Variants in EMG1 observed in about 807,000 individuals in gnomAD.
EMG1 encodes ribosomal RNA small subunit methyltransferase NEP1.
EMG1 carries 24 observed loss-of-function variants against 26.9 expected under a neutral mutation model. The observed-to-expected ratio is 0.89, with a 90% confidence interval of 0.65 to 1.26. The LOEUF is 1.26. Among genes scored for constraint, EMG1 ranks in the 50% most tolerant of loss-of-function variants. The pLI, the probability that EMG1 is intolerant of heterozygous loss-of-function variation, is 0.00. For synonymous variants in EMG1, 140 were observed against 112.6 expected (o/e 1.24, Z -1.54); for missense variants, 299 against 307.6 (o/e 0.97, Z 0.21).
At chr12:6,991,066 T>C (rs1174649726), downstream of EMG1, among the ~76,000 whole-genome samples, 1 of 151,910 alleles carries the variant, frequency 6.6e-6, no homozygotes, top group Admixed American at 6.6e-5. Flanking sequence ...CCCAAAACAA[T>C]CAAAGAAATA....
chr12:6,992,348 T>A (rs1359044561), downstream of EMG1, among the ~76,000 whole-genome samples: 2 of 151,882 alleles, frequency 1.3e-5, no homozygotes, highest in African/African-American at 2.4e-5. Context: ...AAAAAAAATT[T>A]ACCACTTCAT....
At chr12:6,974,185 T>G (rs1415044755) in intron 1 of EMG1, among the ~76,000 whole-genome samples, 154 bp from the exon 2 acceptor site, 1 of 152,212 alleles carries the variant, frequency 6.6e-6, no homozygotes, top group Non-Finnish European at 1.5e-5. Context: ...CCCCCAGTGT[T>G]CCTGGTTTAG....
Position 6,976,283 on chromosome 12 carries a change from G to C in EMG1, c.*474G>C, listed in dbSNP as rs1310356649. 6.5e-6 allele frequency: 1 copy of C among 154,110 alleles called. No individual in the cohort carries two copies. 9.5% of individuals were successfully genotyped at this position (154,110 alleles called of 1,614,324 possible). On this transcript the variant is annotated 3_prime_UTR_variant, in exon 6 of 6. Coordinates refer to ENST00000599672, the MANE Select transcript of EMG1 (RefSeq NM_006331.8). ...TTGCACCCCTCTCCACCCCCCCATG[G>C]GGGGGGTGGTGGTAGCGGCACATAC...
chr12:6,977,451 ATAG>A lies in EMG1; in HGVS notation c.*1646_*1648del. ...GCCAGTGGATGGTCTGTTGCACCAA[ATAG>A]TAGAAGGGCTGGAGGACAGTAATGG... On this transcript the variant is annotated 3_prime_UTR_variant, in exon 6 of 6. Transcript: ENST00000599672. This position sits in a 1 kb window ranked among gnomAD's most constrained non-coding sequence, Gnocchi z 4.5. 6.2e-7 allele frequency: 1 copy of A among 1,614,188 alleles called. No individual in the cohort carries two copies. The highest frequency in any genetic ancestry group is 1.1e-5 in the South Asian group (1 of 91,076).
Position 6,977,169 on chromosome 12 carries a change from C to T in EMG1, c.*1360C>T. On this transcript the variant is annotated 3_prime_UTR_variant, in exon 6 of 6. Transcript: ENST00000599672. This position sits in a 1 kb window ranked among gnomAD's most constrained non-coding sequence, Gnocchi z 4.5. ...GATTATTCCATCTTCTTTAACTTCT[C>T]TTTCCTTGGCACCATTGCTTTGTGA... 1 of 1,611,756 alleles carries T rather than the reference C, an allele frequency of 6.2e-7. No homozygotes were observed. Among genetic ancestry groups the T allele is most frequent in the Non-Finnish European group, 8.5e-7 (1 of 1,177,826 alleles).
chr12:6,978,174 T>A lies in EMG1; in HGVS notation c.*2365T>A, dbSNP rs1591711154. 1.2e-5 allele frequency: 9 copies of A among 765,914 alleles called. No individual in the cohort carries two copies. Among genetic ancestry groups the A allele is most frequent in the East Asian group, 7.9e-5 (3 of 38,174 alleles). 47.4% of individuals were successfully genotyped at this position (765,914 alleles called of 1,614,324 possible). ...TTTTTTCAAATATGACAGTAATGGTTTTTTTGGGAGGGGGGTATAGGTGGG... is the reference window on the plus strand; with the variant it reads ...TTTTTTCAAATATGACAGTAATGGTATTTTTGGGAGGGGGGTATAGGTGGG... On this transcript the variant is annotated 3_prime_UTR_variant, in exon 6 of 6. Coordinates refer to ENST00000599672, the MANE Select transcript of EMG1 (RefSeq NM_006331.8).
rs782044745 is a variant in EMG1 at position 6,975,706 on chromosome 12, A to C, written c.632A>C (p.Glu211Ala). ...CTGTTCTTTTCTTAGGTCAGTGTGG[A>C]GTATACAGAGAAGATGGTGTCCATC... Reference protein sequence around the residue: ...GAFAHGKVSVEYTEKMVSISN... With the variant: ...GAFAHGKVSVAYTEKMVSISN... Residue 211 changes from glutamate to alanine, a missense_variant, in exon 6 of 6, where the codon GAG (glutamate) becomes GCG (alanine). Coordinates refer to ENST00000599672, the MANE Select transcript of EMG1 (RefSeq NM_006331.8). 1.2e-6 allele frequency: 2 copies of C among 1,607,326 alleles called. No homozygotes were observed. Among genetic ancestry groups the C allele is most frequent in the Non-Finnish European group, 8.5e-7 (1 of 1,173,800 alleles).
At position 6,975,209 on chromosome 12, in the gene EMG1, TTCTC is replaced by T. The variant is rs782795998; in HGVS notation, c.472-16_472-13del. ...CTGGGAATGTTTCTGGGGCTGACTT[TTCTC>T]TCTTTTTTACTTTAGGTAATTAAGA... On this transcript the variant is annotated splice_polypyrimidine_tract_variant and intron_variant, in intron 4 of 5. Coordinates refer to ENST00000599672, the MANE Select transcript of EMG1 (RefSeq NM_006331.8). 3 of 1,614,006 alleles carry T rather than the reference TTCTC, an allele frequency of 1.9e-6. No homozygotes were observed. The highest frequency in any genetic ancestry group is 1.6e-4 in the Middle Eastern group (1 of 6,062).
chr12:6,985,774 T>G (rs1487809617), intron 6 of EMG1, among the ~76,000 whole-genome samples: 1 of 151,460 alleles, frequency 6.6e-6, no homozygotes, highest in African/African-American at 2.4e-5. Context: ...AACTGGTGTT[T>G]TTTTTTTTTT....
chr12:6,990,377 C>G (rs1434407145), downstream of EMG1, among the ~76,000 whole-genome samples: 2 of 148,288 alleles, frequency 1.3e-5, no homozygotes, highest in African/African-American at 5.0e-5. Flanking sequence ...GGTGTGGTGG[C>G]GGGCACCTGT....
At chr12:6,981,994 C>T, downstream of EMG1, 1 of 743,276 alleles carries the variant, frequency 1.3e-6, no homozygotes, top group Non-Finnish European at 2.4e-6. Flanking sequence ...TTTCCTTTCT[C>T]CTCATCCCAT....
At chr12:6,984,418 G>T (rs1429195046), downstream of EMG1, among the ~76,000 whole-genome samples, 2 of 152,210 alleles carry the variant, frequency 1.3e-5, no homozygotes, top group Non-Finnish European at 2.9e-5. Context: ...CACCTTCAGT[G>T]TTCTATCTAG....
chr12:6,977,662 C>T lies in EMG1; in HGVS notation c.*1853C>T. Reference sequence around the variant, plus strand: ...GCAGACCAGGTATCCTGAGTGCAGGCCGTGCCAGAGGGCCAGGAATAGCAA... The same window carrying T: ...GCAGACCAGGTATCCTGAGTGCAGGTCGTGCCAGAGGGCCAGGAATAGCAA... On this transcript the variant is annotated 3_prime_UTR_variant, in exon 6 of 6. Transcript: ENST00000599672. This position sits in a 1 kb window ranked among gnomAD's most constrained non-coding sequence, Gnocchi z 4.5. 1 of 1,614,230 alleles carries T rather than the reference C, an allele frequency of 6.2e-7. No individual in the cohort carries two copies. The highest frequency in any genetic ancestry group is 8.5e-7 in the Non-Finnish European group (1 of 1,180,032).
chr12:6,970,965 C>G lies in EMG1; in HGVS notation c.42C>G (p.Ser14Arg), dbSNP rs782249279. The G allele has an allele frequency of 3.1e-6, 5 of 1,612,874 alleles. No homozygotes were observed. The highest frequency in any genetic ancestry group is 4.2e-6 in the Non-Finnish European group (5 of 1,179,370). ...PSDGFKPRER[S>R]GGEQAQDWDA... The stretch of plus-strand genomic sequence containing the variant: ...ATGGATTCAAGCCTCGTGAACGAAG[C>G]GGTGGGGAGCAGGCACAGGACTGGG... The change falls in exon 1 of 6, where the codon AGC (serine) becomes AGG (arginine). Residue 14 changes from serine (S) to arginine (R), a missense_variant. By Grantham distance (110) the Ser-to-Arg change is moderately radical. Transcript: ENST00000599672.
chr12:6,975,621 G>C (rs1486583568), intron 5 of EMG1, 75 bp from the exon 6 acceptor site: 1 of 1,108,414 alleles, frequency 9.0e-7, no homozygotes, highest in African/African-American at 1.5e-5. Context: ...CTCAGCCATA[G>C]TTTTCCTGCC....
intron 5 of EMG1, 73 bp downstream of exon 5, chr12:6,975,451 T>C (rs1946383350): frequency 6.9e-7 from 1 of 1,443,654 alleles, no homozygotes; most frequent in Non-Finnish European, 9.3e-7. Flanking sequence ...GCAGTAGGCA[T>C]TTTAACAATG....
chr12:6,993,858 C>T (rs1946610839), intron 7 of EMG1, among the ~76,000 whole-genome samples: 1 of 151,934 alleles, frequency 6.6e-6, no homozygotes, highest in Non-Finnish European at 1.5e-5. Flanking sequence ...ATGATCTGTC[C>T]ACCTCAGCTT....
rs896495917 is a variant in EMG1, at chr12:6,987,130, A to G, written c.*155-652A>G. On this transcript the variant is annotated intron_variant and NMD_transcript_variant, in intron 6 of 7. Coordinates refer to the EMG1 transcript ENST00000261406. This position sits in a 1 kb window ranked among gnomAD's most constrained non-coding sequence, Gnocchi z 4.1. The stretch of plus-strand genomic sequence containing the variant: ...CTGTCTCAAAAAAAAAAGAAAAAAA[A>G]GTTTTATGAGGATTTTTGACTGTAC... Among the ~76,000 whole-genome samples the G allele has an allele frequency of 3.9e-5, 6 of 152,074 alleles. No homozygotes were observed. The highest frequency in any genetic ancestry group is 8.8e-5 in the Non-Finnish European group (6 of 68,022).
intron 6 of EMG1, among the ~76,000 whole-genome samples, chr12:6,986,921 C>G (rs782566324): frequency 6.6e-6 from 1 of 151,918 alleles, no homozygotes. Context: ...TGAGACGAGC[C>G]TGGCCAACAT....
Sources: allele counts gnomAD v4.1 joint callset (sites outside exome capture counted in the v4.1 genomes callset), GRCh38; gene constraint gnomAD v4.1.1; non-coding constraint Gnocchi (gnomAD v3.1); transcripts MANE v1.5; gene names NCBI Gene and HGNC (gene_info 2026-07-23, HGNC 2026-07-21).